Variants in CIMIP7 observed in about 807,000 individuals in gnomAD.
The protein encoded by CIMIP7 is ciliary microtubule inner protein 7.
At chr3:49,187,913 A>C in the CIMIP7 span, among the ~76,000 whole-genome samples, 17 of 152,200 alleles carry the variant, frequency 1.1e-4, no homozygotes, top group Non-Finnish European at 2.4e-4. Flanking sequence ...AATGCTAGTA[A>C]ATTTTTTATG....
the CIMIP7 span, among the ~76,000 whole-genome samples, chr3:49,182,940 G>A: frequency 1.3e-5 from 2 of 152,196 alleles, no homozygotes; most frequent in Non-Finnish European, 2.9e-5. Context: ...ATGCCCACCC[G>A]GAACTCACGC....
chr3:49,179,277 A>G, the CIMIP7 span, among the ~76,000 whole-genome samples: 1 of 152,158 alleles, frequency 6.6e-6, no homozygotes, highest in African/African-American at 2.4e-5. Flanking sequence ...GATCCAAGCC[A>G]CATTACTCTC....
the CIMIP7 span, among the ~76,000 whole-genome samples, chr3:49,184,386 A>AT: frequency 6.6e-6 from 1 of 152,236 alleles, no homozygotes; most frequent in South Asian, 2.1e-4. Flanking sequence ...CAGTGGTGTG[A>AT]TTTTGGCTTG....
chr3:49,187,178 AT>A, the CIMIP7 span, among the ~76,000 whole-genome samples: 1 of 152,202 alleles, frequency 6.6e-6, no homozygotes, highest in Non-Finnish European at 1.5e-5. Flanking sequence ...AAGCACAGTC[AT>A]TTCCTCTCTA....
chr3:49,181,651 T>C, the CIMIP7 span, among the ~76,000 whole-genome samples: 1 of 152,122 alleles, frequency 6.6e-6, no homozygotes, highest in South Asian at 2.1e-4. Context: ...GGAGAAAATA[T>C]TTATAAACCA....
At chr3:49,183,781 T>A in the CIMIP7 span, among the ~76,000 whole-genome samples, 3 of 152,222 alleles carry the variant, frequency 2.0e-5, no homozygotes, top group Non-Finnish European at 2.9e-5. Flanking sequence ...ATACAAATAT[T>A]CTTAACAGCT....
chr3:49,187,550 G>A, the CIMIP7 span, among the ~76,000 whole-genome samples: 418 of 152,000 alleles, frequency 2.7e-3, 3 homozygotes, highest in African/African-American at 9.4e-3. Flanking sequence ...GAGGAACTAA[G>A]AGAACCAGAA....
the CIMIP7 span, among the ~76,000 whole-genome samples, chr3:49,179,727 C>T: frequency 2.6e-5 from 4 of 152,246 alleles, no homozygotes; most frequent in Non-Finnish European, 4.4e-5. Flanking sequence ...ATTAGAACAT[C>T]TCATGCCCCG....
the CIMIP7 span, among the ~76,000 whole-genome samples, chr3:49,186,864 G>A: frequency 6.6e-6 from 1 of 152,226 alleles, no homozygotes; most frequent in East Asian, 1.9e-4. Flanking sequence ...TGTTACCATT[G>A]AAGGTAACCA....
At chr3:49,181,208 G>A in the CIMIP7 span, among the ~76,000 whole-genome samples, 1 of 151,786 alleles carries the variant, frequency 6.6e-6, no homozygotes, top group Non-Finnish European at 1.5e-5. Flanking sequence ...TAGGTGTGGT[G>A]GTGGGCGCCT....
At chr3:49,190,276 C>T in the CIMIP7 span, 1 of 611,272 alleles carries the variant, frequency 1.6e-6, no homozygotes, top group African/African-American at 1.8e-5. Context: ...TAGAAAGAAT[C>T]TAAGGAGTTA....
At chr3:49,180,970 C>T in the CIMIP7 span, among the ~76,000 whole-genome samples, 1 of 150,130 alleles carries the variant, frequency 6.7e-6, no homozygotes, top group Non-Finnish European at 1.5e-5. Flanking sequence ...TTTTTAGAAC[C>T]GCCTGCCTTA....
At chr3:49,190,055 C>T in the CIMIP7 span, 1 of 1,613,568 alleles carries the variant, frequency 6.2e-7, no homozygotes. Context: ...CTGCTGGAGG[C>T]TGGGGCTTGG....
At chr3:49,184,136 C>T in the CIMIP7 span, among the ~76,000 whole-genome samples, 4 of 152,044 alleles carry the variant, frequency 2.6e-5, no homozygotes, top group African/African-American at 9.7e-5. Flanking sequence ...TAGCTGGTAC[C>T]ACAGGTGCAT....
chr3:49,182,319 C>T, the CIMIP7 span, among the ~76,000 whole-genome samples: 2 of 152,136 alleles, frequency 1.3e-5, no homozygotes, highest in Non-Finnish European at 2.9e-5. Flanking sequence ...CTGATTGGTG[C>T]GTTTACAATC....
At chr3:49,181,898 G>A in the CIMIP7 span, among the ~76,000 whole-genome samples, 6 of 152,194 alleles carry the variant, frequency 3.9e-5, no homozygotes, top group East Asian at 3.8e-4. Flanking sequence ...CATGTCCGGA[G>A]TTTGTTCCTT....
chr3:49,179,589 G>A, the CIMIP7 span, among the ~76,000 whole-genome samples: 1 of 152,058 alleles, frequency 6.6e-6, no homozygotes, highest in East Asian at 1.9e-4. Context: ...CCTTCTCCTG[G>A]CCATATAATT....
At chr3:49,178,536 C>T in the CIMIP7 span, 2 of 1,613,220 alleles carry the variant, frequency 1.2e-6, no homozygotes, top group Middle Eastern at 1.7e-4. Flanking sequence ...GCTGCGCCGG[C>T]TCCTTGAAAG....
At chr3:49,183,474 G>A in the CIMIP7 span, among the ~76,000 whole-genome samples, 1 of 152,192 alleles carries the variant, frequency 6.6e-6, no homozygotes, top group African/African-American at 2.4e-5. Flanking sequence ...CTGAGGTCAG[G>A]AGTTCAAGAC....
Sources: allele counts gnomAD v4.1 joint callset (sites outside exome capture counted in the v4.1 genomes callset), GRCh38; gene constraint gnomAD v4.1.1; transcripts MANE v1.5; gene names NCBI Gene and HGNC (gene_info 2026-07-23, HGNC 2026-07-21).